Variants in TAOK1 observed in about 807,000 individuals in gnomAD.
The protein encoded by TAOK1 is serine/threonine-protein kinase TAO1.
A neutral mutation model predicts 138.3 loss-of-function variants in TAOK1; 21 were observed. The ratio of observed to expected loss-of-function variants is 0.15; its 90% CI spans 0.11 to 0.22. TAOK1 has a LOEUF of 0.22. TAOK1 is among the 10% of genes least tolerant of loss of function. The probability of loss-of-function intolerance (pLI) is 1.00; values close to 1 mark genes in which losing one functional copy is unlikely to be tolerated. For synonymous variants in TAOK1, 361 were observed against 398.4 expected, an observed-to-expected ratio of 0.91 and a Z score of 1.12; for missense variants, 651 against 1,227.7, an observed-to-expected ratio of 0.53 and a Z score of 7.02.
intron 4 of TAOK1, among the ~76,000 whole-genome samples, chr17:29,476,737 A>G (rs1213793013): frequency 1.3e-5 from 2 of 152,172 alleles, no homozygotes; most frequent in East Asian, 3.8e-4. Flanking sequence ...TTTTTCAATC[A>G]TCTGTAGATT....
At chr17:29,411,694 A>G (rs1325843883) in intron 1 of TAOK1, among the ~76,000 whole-genome samples, 2 of 152,120 alleles carry the variant, frequency 1.3e-5, no homozygotes, top group East Asian at 1.9e-4. Flanking sequence ...TGCCTGGCCT[A>G]CAGAAGTACT....
chr17:29,396,369 A>G (rs1215681628), intron 1 of TAOK1, among the ~76,000 whole-genome samples: 1 of 152,188 alleles, frequency 6.6e-6, no homozygotes, highest in Non-Finnish European at 1.5e-5. Context: ...TGGCATGTAA[A>G]TAAAGTAAGT....
chr17:29,397,614 A>AAAAG (rs1904659305), intron 1 of TAOK1, among the ~76,000 whole-genome samples: 1 of 66,978 alleles, frequency 1.5e-5, no homozygotes, highest in Non-Finnish European at 2.9e-5. Flanking sequence ...CCCCAAAAAA[A>AAAAG]TATATATATA....
chr17:29,444,275 CA>C (rs2030023193), intron 1 of TAOK1, among the ~76,000 whole-genome samples: 1 of 152,150 alleles, frequency 6.6e-6, no homozygotes, highest in African/African-American at 2.4e-5. Context: ...TTTTTCATGA[CA>C]GCTATTAAAA....
chr17:29,507,272 G>T (rs199932562), intron 13 of TAOK1, among the ~76,000 whole-genome samples: 34 of 138,772 alleles, frequency 2.5e-4, no homozygotes, highest in East Asian at 4.2e-4. Flanking sequence ...TTTTTTTTTT[G>T]TTTTTTTTTT....
chr17:29,538,131 GGT>G (rs2032255623), intron 19 of TAOK1, among the ~76,000 whole-genome samples: 1 of 142,846 alleles, frequency 7.0e-6, no homozygotes, highest in Admixed American at 7.0e-5. Flanking sequence ...AAAAAAAAAA[GGT>G]AAACATGGCC....
intron 16 of TAOK1, among the ~76,000 whole-genome samples, chr17:29,520,900 T>C (rs1387288920): frequency 6.6e-6 from 1 of 151,908 alleles, no homozygotes; most frequent in Non-Finnish European, 1.5e-5. Context: ...GGCACATGCC[T>C]GTAGTCCCAG....
At chr17:29,420,588 T>A (rs1021874658) in intron 1 of TAOK1, among the ~76,000 whole-genome samples, 1 of 149,796 alleles carries the variant, frequency 6.7e-6, no homozygotes, top group African/African-American at 2.5e-5. Flanking sequence ...TTAATCTGTT[T>A]TTTTTTTTTT....
Position 29,498,309 on chromosome 17 carries a change from T to C in TAOK1, c.1000-9T>C, listed in dbSNP as rs551499744. 38 of 1,614,126 alleles carry C rather than the reference T, an allele frequency of 2.4e-5. No homozygotes were observed. Among genetic ancestry groups the C allele is most frequent in the Admixed American group, 1.8e-4 (11 of 60,018 alleles). On this transcript the variant is annotated splice_polypyrimidine_tract_variant and intron_variant, in intron 11 of 19. Coordinates refer to ENST00000261716, the MANE Select transcript of TAOK1 (RefSeq NM_020791.4). ...TATTTGAACTGAACTGAATGTCCTT[T>C]TCTCTTAGGAACAAGATCATGGTGT...
intron 1 of TAOK1, among the ~76,000 whole-genome samples, chr17:29,451,144 A>G (rs565306946): frequency 1.3e-5 from 2 of 152,332 alleles, no homozygotes; most frequent in East Asian, 1.9e-4. Flanking sequence ...AGTCTCTTTT[A>G]TATTATCTTC....
intron 4 of TAOK1, 102 bp downstream of exon 4, chr17:29,475,873 A>G (rs933343754): frequency 4.8e-6 from 4 of 832,314 alleles, no homozygotes; most frequent in African/African-American, 1.7e-5. Context: ...ATGCAAAAAC[A>G]CCTGAAATGT....
intron 1 of TAOK1, among the ~76,000 whole-genome samples, chr17:29,433,604 A>AG (rs1009554241): frequency 1.3e-5 from 2 of 151,902 alleles, no homozygotes; most frequent in South Asian, 2.1e-4. Context: ...TTGGGTGAAA[A>AG]GGGAAAAAAA....
intron 1 of TAOK1, among the ~76,000 whole-genome samples, chr17:29,430,282 A>T (rs73274687): frequency 0.027 from 4,176 of 152,238 alleles, 166 homozygotes; most frequent in African/African-American, 0.095. Flanking sequence ...CTTGGGTTCA[A>T]ATACCCCCTA....
At chr17:29,431,803 A>AT (rs71360705) in intron 1 of TAOK1, among the ~76,000 whole-genome samples, 60,544 of 113,022 alleles carry the variant, frequency 0.54, 17,637 homozygotes, top group East Asian at 0.89. Flanking sequence ...TGCCTGGCTA[A>AT]TTTTTTTTTT....
chr17:29,501,665 A>G (rs1029944409), intron 12 of TAOK1, among the ~76,000 whole-genome samples: 1 of 151,646 alleles, frequency 6.6e-6, no homozygotes, highest in Non-Finnish European at 1.5e-5. Flanking sequence ...CATTGACTAT[A>G]TTGGCTACAT....
intron 3 of TAOK1, among the ~76,000 whole-genome samples, chr17:29,469,762 T>C (rs1318218230): frequency 1.3e-5 from 2 of 152,232 alleles, no homozygotes; most frequent in Non-Finnish European, 2.9e-5. Context: ...TACCACATCA[T>C]CTTTTAATAT....
intron 12 of TAOK1, 125 bp downstream of exon 12, chr17:29,498,646 A>C: frequency 9.3e-7 from 1 of 1,079,626 alleles, no homozygotes; most frequent in Non-Finnish European, 1.3e-6. Flanking sequence ...GGCTGGGCTC[A>C]GTGGCTCATG....
intron 1 of TAOK1, among the ~76,000 whole-genome samples, chr17:29,410,876 C>T (rs1269981744): frequency 6.6e-6 from 1 of 151,688 alleles, no homozygotes; most frequent in Admixed American, 6.6e-5. Context: ...CTCAGGTGAT[C>T]CACCCGCCTT....
Position 29,451,616 on chromosome 17 carries a change from A to T in TAOK1, c.68A>T (p.Asp23Val), listed in dbSNP as rs1469121309. The T allele has an allele frequency of 6.2e-7, 1 of 1,614,036 alleles. No individual in the cohort carries two copies. The highest frequency in any genetic ancestry group is 1.3e-5 in the African/African-American group (1 of 75,036). Residue 23 changes from aspartate (D) to valine (V), a missense_variant, in exon 2 of 20, where the codon GAT (aspartate) becomes GTT (valine). Coordinates refer to ENST00000261716, the MANE Select transcript of TAOK1 (RefSeq NM_020791.4). ...ATTGCAGAGCTCTTCTTCAAAGAAG[A>T]TCCAGAGAAGCTCTTCACAGATCTC... ...PEIAELFFKE[D>V]PEKLFTDLRE...
Sources: gnomAD v4.1 joint callset for allele counts (sites outside exome capture counted in the v4.1 genomes callset) on GRCh38, gnomAD v4.1.1 for gene constraint, MANE v1.5 for transcripts, NCBI Gene and HGNC (gene_info 2026-07-23, HGNC 2026-07-21) for gene names.